SGCD: variants seen among roughly 807,000 people sequenced by gnomAD.
The protein encoded by SGCD is delta-sarcoglycan.
A neutral mutation model predicts 36.6 loss-of-function variants in SGCD; 18 were observed. The observed-to-expected ratio is 0.49, with a 90% CI of 0.34 to 0.73. The LOEUF (loss-of-function observed/expected upper bound fraction) is 0.73, where lower values mean the gene tolerates loss of function less well. SGCD is among the 30% of genes least tolerant of loss of function. The pLI, the probability that SGCD is intolerant of heterozygous loss-of-function variation, is 0.01. For missense variants in SGCD, 387 were observed against 346.7 expected, an observed-to-expected ratio of 1.12 and a Z score of -0.92; for synonymous variants, 133 against 130.6, an observed-to-expected ratio of 1.02 and a Z score of -0.12.
At chr5:156,041,361 G>T (rs150988850) in intron 1 of SGCD, among the ~76,000 whole-genome samples, 5 of 152,134 alleles carry the variant, frequency 3.3e-5, no homozygotes, top group African/African-American at 1.2e-4. Context: ...CCTCATTTGC[G>T]CATGGAAGAA....
At chr5:156,055,197 TTTTC>T (rs1277328937) in intron 1 of SGCD, among the ~76,000 whole-genome samples, 4 of 146,376 alleles carry the variant, frequency 2.7e-5, no homozygotes, top group Middle Eastern at 7.2e-3. Context: ...TACTCCTTTT[TTTTC>T]TTTCTTTCTT....
intron 3 of SGCD, among the ~76,000 whole-genome samples, chr5:156,137,846 C>G (rs929835536): frequency 3.9e-5 from 6 of 152,136 alleles, no homozygotes; most frequent in Non-Finnish European, 8.8e-5. Context: ...TGTTATAACA[C>G]AGTGGAGAAA....
chr5:155,870,194 G>A (rs77207132), upstream of SGCD: 3 of 152,230 alleles, frequency 2.0e-5, no homozygotes, highest in East Asian at 1.9e-4. Context: ...AATTGCTGCA[G>A]TGTGATCTTG....
intron 3 of SGCD, among the ~76,000 whole-genome samples, chr5:156,301,967 T>C (rs1415018290): frequency 6.6e-6 from 1 of 152,090 alleles, no homozygotes; most frequent in Non-Finnish European, 1.5e-5. Context: ...GAAGTTTGAT[T>C]AGAAAATGCC....
At chr5:155,898,330 TC>T (rs1448932294) in intron 1 of SGCD, among the ~76,000 whole-genome samples, 1 of 152,226 alleles carries the variant, frequency 6.6e-6, no homozygotes, top group Non-Finnish European at 1.5e-5. Flanking sequence ...CCAGAACTCA[TC>T]CTATGCCTCT....
At chr5:156,100,342 C>G (rs933743787) in intron 1 of SGCD, among the ~76,000 whole-genome samples, 2 of 151,250 alleles carry the variant, frequency 1.3e-5, no homozygotes, top group Non-Finnish European at 1.5e-5. Context: ...TATACTTTAT[C>G]AGAGTAGTAT....
intron 4 of SGCD, among the ~76,000 whole-genome samples, chr5:156,536,061 T>A (rs1210069962): frequency 6.6e-6 from 1 of 152,182 alleles, no homozygotes; most frequent in Non-Finnish European, 1.5e-5. Context: ...ATTATCACTT[T>A]GATAATGGGG....
At chr5:156,437,921 A>G (rs1753311856) in intron 3 of SGCD, among the ~76,000 whole-genome samples, 1 of 152,172 alleles carries the variant, frequency 6.6e-6, no homozygotes, top group East Asian at 1.9e-4. Flanking sequence ...CCAGATACAC[A>G]TTTTCTAGGT....
At chr5:156,714,340 C>G (rs143468972) in intron 7 of SGCD, among the ~76,000 whole-genome samples, 1 of 152,276 alleles carries the variant, frequency 6.6e-6, no homozygotes, top group African/African-American at 2.4e-5. Flanking sequence ...AAATGGCCCC[C>G]AACTATAGTC....
At chr5:156,474,148 A>G (rs934611683) in intron 3 of SGCD, among the ~76,000 whole-genome samples, 3 of 152,132 alleles carry the variant, frequency 2.0e-5, no homozygotes, top group African/African-American at 2.4e-5. Context: ...AGGGGTTGGC[A>G]TGGCTGGCAT....
At chr5:156,227,689 AT>A (rs971610896) in intron 3 of SGCD, among the ~76,000 whole-genome samples, 1 of 151,560 alleles carries the variant, frequency 6.6e-6, no homozygotes, top group African/African-American at 2.4e-5. Context: ...GTAGATTGGG[AT>A]TGATTTGTTC....
At chr5:155,905,808 C>G (rs1278562937) in intron 1 of SGCD, among the ~76,000 whole-genome samples, 2 of 152,058 alleles carry the variant, frequency 1.3e-5, no homozygotes, top group African/African-American at 4.8e-5. Flanking sequence ...TTTTCTCTTG[C>G]TGCCACCATG....
intron 3 of SGCD, among the ~76,000 whole-genome samples, chr5:156,306,456 CT>C (rs1454367599): frequency 6.6e-6 from 1 of 152,156 alleles, no homozygotes; most frequent in African/African-American, 2.4e-5. Context: ...TCCATTAAAC[CT>C]TTTTCTTTTG....
chr5:155,915,217 GC>G (rs994280424), intron 1 of SGCD, among the ~76,000 whole-genome samples: 1 of 152,050 alleles, frequency 6.6e-6, no homozygotes, highest in Non-Finnish European at 1.5e-5. Flanking sequence ...TTTCCTGACA[GC>G]CCCAACCTCA....
At chr5:155,753,348 A>G in the SGCD span, among the ~76,000 whole-genome samples, 1 of 151,450 alleles carries the variant, frequency 6.6e-6, no homozygotes, top group Non-Finnish European at 1.5e-5. Flanking sequence ...AAAAAAAGAA[A>G]GAAAGAAATG....
intron 3 of SGCD, among the ~76,000 whole-genome samples, chr5:156,287,820 C>A (rs137958229): frequency 6.6e-6 from 1 of 152,126 alleles, no homozygotes; most frequent in East Asian, 1.9e-4. Context: ...GATTGCTTGA[C>A]CCCAGAAATT....
At chr5:155,799,460 C>G in the SGCD span, among the ~76,000 whole-genome samples, 4 of 149,530 alleles carry the variant, frequency 2.7e-5, no homozygotes, top group Admixed American at 2.0e-4. Flanking sequence ...GTGTCATGAT[C>G]TTGGCTCACT....
the SGCD span, among the ~76,000 whole-genome samples, chr5:155,753,086 C>T: frequency 6.6e-6 from 1 of 151,980 alleles, no homozygotes. Flanking sequence ...GCCTGTAATC[C>T]CAGCACTTTG....
At chr5:156,010,913 T>C (rs1011225814) in intron 1 of SGCD, among the ~76,000 whole-genome samples, 1 of 152,246 alleles carries the variant, frequency 6.6e-6, no homozygotes, top group African/African-American at 2.4e-5. Flanking sequence ...TATATTGTTA[T>C]GGCTTGTTTC....
Sources: allele counts gnomAD v4.1 joint callset (sites outside exome capture counted in the v4.1 genomes callset), GRCh38; gene constraint gnomAD v4.1.1; transcripts MANE v1.5; gene names NCBI Gene and HGNC (gene_info 2026-07-23, HGNC 2026-07-21).